The following STARD9 variants were observed in gnomAD, a reference collection of about 807,000 sequenced individuals.
STARD9 encodes the protein stAR-related lipid transfer protein 9.
STARD9 carries 346 observed loss-of-function variants against 399.8 expected under a neutral mutation model. The observed-to-expected ratio is 0.87, with a 90% CI of 0.79 to 0.95. The LOEUF is 0.95. Ranked by LOEUF, STARD9 falls within the 40% of genes least tolerant of loss-of-function variation. The pLI is 0.00. For synonymous variants in STARD9, 2,203 were observed against 2,143.5 expected, an observed-to-expected ratio of 1.03 and a Z score of -0.77; for missense variants, 5,832 against 5,667.5, an observed-to-expected ratio of 1.03 and a Z score of -0.93.
chr15:42,662,699 A>G lies in STARD9; in HGVS notation c.771-95A>G, dbSNP rs2060014222. 1.2e-5 allele frequency: 9 copies of G among 763,952 alleles called. No individual in the cohort carries two copies. In the South Asian group the frequency reaches 1.2e-4, roughly 10 times the overall value. 47.3% of individuals were successfully genotyped at this position (763,952 alleles called of 1,614,324 possible). On this transcript the variant is annotated intron_variant, in intron 10 of 32. Transcript: ENST00000290607. ...ATTTATTATGTGAGTCCTTTACAGC[A>G]TGATATACAGAATAACGGATAGTAT... is the stretch of plus-strand genomic sequence containing the variant.
At chr15:42,604,718 A>C (rs1322602966) in intron 3 of STARD9, among the ~76,000 whole-genome samples, 1 of 133,410 alleles carries the variant, frequency 7.5e-6, no homozygotes, top group Non-Finnish European at 1.5e-5. Flanking sequence ...ATCTTAGTTC[A>C]CTGCAGCCTT....
chr15:42,634,970 C>A lies in STARD9; in HGVS notation c.349C>A (p.Pro117Thr). The change falls in exon 4 of 33, where the codon CCA (proline) becomes ACA (threonine). Residue 117 changes from proline to threonine, a missense_variant and splice_region_variant. Pro to Thr is a conservative substitution (Grantham distance 38). Around this residue, in one of 2 missense-constraint regions of STARD9, gnomAD observed 5,828 missense variants for 5,651.1 expected, o/e 1.03. Transcript: ENST00000290607. ...SGKTYTMLGT[P>T]ASVGLTPRIC... ...GAAGACATATACCATGCTGGGGACC[C>A]CAGTGAGTATTACAATGATATATAT... 6 of 1,514,298 alleles carry A rather than the reference C, an allele frequency of 4.0e-6. No homozygotes were observed. The allele number at this position is 1,514,298 out of a possible 1,614,324, so 93.8% of individuals were successfully genotyped here. A position where few individuals can be genotyped will look rare whatever the true frequency, so the allele number is the denominator to read the frequency against.
At chr15:42,605,224 T>C (rs767704974) in intron 3 of STARD9, among the ~76,000 whole-genome samples, 5 of 152,222 alleles carry the variant, frequency 3.3e-5, no homozygotes, top group Non-Finnish European at 7.3e-5. Context: ...ACTTGATGTA[T>C]GGTCATTATA....
At chr15:42,674,369 T>C (rs2060266029) in intron 16 of STARD9, 71 bp from the exon 17 acceptor site, 6 of 1,191,278 alleles carry the variant, frequency 5.0e-6, no homozygotes, top group South Asian at 1.3e-5. Context: ...AATATTCTAA[T>C]GTGGACTCTC....
At position 42,689,330 on chromosome 15, in the gene STARD9, C is replaced by T. The variant is rs759179583; in HGVS notation, c.7752C>T (p.Pro2584=). ...CTTACTGTGAAACTTTACTAGAACC[C>T]GAATGTTCTTCAAGGGTTGCTGGCA... is the stretch of plus-strand genomic sequence containing the variant. The part of the protein sequence containing the change: ...VLSYCETLLE[P]ECSSRVAGRP... Residue 2584 remains proline (P), a synonymous_variant, in exon 23 of 33, where the codon CCC becomes CCT. Coordinates refer to ENST00000290607, the MANE Select transcript of STARD9 (RefSeq NM_020759.3). The T allele has an allele frequency of 1.4e-5, 22 of 1,537,088 alleles. No homozygotes were observed. Among genetic ancestry groups the T allele is most frequent in the East Asian group, 9.8e-5 (4 of 40,926 alleles).
At chr15:42,712,081 T>TATATAAAATATAAAA (rs57090140) in intron 26 of STARD9, among the ~76,000 whole-genome samples, 1 of 39,130 alleles carries the variant, frequency 2.6e-5, no homozygotes, top group African/African-American at 3.2e-4. Flanking sequence ...TATATATATA[T>TATATAAAATATAAAA]TATATATATA....
intron 3 of STARD9, among the ~76,000 whole-genome samples, chr15:42,591,381 G>A (rs1044696805): frequency 7.9e-5 from 12 of 152,050 alleles, no homozygotes; most frequent in Non-Finnish European, 1.8e-4. Flanking sequence ...CGAGCTACTC[G>A]GGAGGCTGAA....
At chr15:42,610,588 G>A (rs2058828487) in intron 3 of STARD9, among the ~76,000 whole-genome samples, 7 of 151,962 alleles carry the variant, frequency 4.6e-5, no homozygotes, top group Admixed American at 3.3e-4. Context: ...CACTCTTGTC[G>A]CCCAGGCTGG....
intron 20 of STARD9, 47 bp from the exon 21 acceptor site, chr15:42,681,375 C>T (rs1390911356): frequency 1.3e-6 from 2 of 1,510,736 alleles, no homozygotes; most frequent in East Asian, 2.5e-5. Flanking sequence ...TTGTCCTGAG[C>T]TTGGTTTGCA....
At chr15:42,609,887 G>A (rs1353502459) in intron 3 of STARD9, among the ~76,000 whole-genome samples, 4 of 152,012 alleles carry the variant, frequency 2.6e-5, no homozygotes, top group Non-Finnish European at 5.9e-5. Context: ...GAGGTCAGGA[G>A]TTCCAGACCA....
At chr15:42,654,573 T>C (rs952136940) in intron 9 of STARD9, among the ~76,000 whole-genome samples, 2 of 152,110 alleles carry the variant, frequency 1.3e-5, no homozygotes, top group Non-Finnish European at 2.9e-5. Context: ...GGTAAATGAA[T>C]TCAGCGAAGT....
chr15:42,649,558 G>A (rs1056822039), intron 7 of STARD9, among the ~76,000 whole-genome samples: 4 of 150,624 alleles, frequency 2.7e-5, no homozygotes, highest in Admixed American at 6.6e-5. Flanking sequence ...ATTAAGCAGA[G>A]TTACTTTTTT....
rs1380230935 is a variant in STARD9, at chr15:42,691,641, C to A, written c.10063C>A (p.Pro3355Thr). ...PSPTDEDTQG[P>T]NRLWNPHLRG... ...CCCTACAGACGAAGATACACAGGGG[C>A]CTAACAGATTGTGGAACCCACATCT... Residue 3355 changes from proline (P) to threonine (T), a missense_variant, in exon 23 of 33, where the codon CCT (proline) becomes ACT (threonine). Pro to Thr is a conservative substitution (Grantham distance 38). Around this residue, in one of 2 missense-constraint regions of STARD9, gnomAD observed 5,828 missense variants for 5,651.1 expected, o/e 1.03. Transcript: ENST00000290607. 26 of 1,537,122 alleles carry A rather than the reference C, an allele frequency of 1.7e-5. No homozygotes were observed. The highest frequency in any genetic ancestry group is 2.3e-5 in the Non-Finnish European group (26 of 1,146,904).
intron 3 of STARD9, among the ~76,000 whole-genome samples, chr15:42,602,729 T>C (rs1162272898): frequency 6.6e-6 from 1 of 152,214 alleles, no homozygotes; most frequent in Non-Finnish European, 1.5e-5. Context: ...TACAAAGTCA[T>C]ACCTCTATGG....
chr15:42,626,446 CCTCCT>C (rs1365510418), intron 3 of STARD9, among the ~76,000 whole-genome samples: 1 of 151,394 alleles, frequency 6.6e-6, no homozygotes, highest in African/African-American at 2.4e-5. Context: ...TCCTTCTCCT[CCTCCT>C]CTTCCTTCTC....
intron 7 of STARD9, among the ~76,000 whole-genome samples, chr15:42,641,666 G>A (rs1458541891): frequency 2.6e-5 from 4 of 151,416 alleles, no homozygotes; most frequent in South Asian, 4.2e-4. Context: ...GTGCAATGGC[G>A]CGATCTCGGC....
At chr15:42,586,995 A>G (rs1004596304) in intron 3 of STARD9, among the ~76,000 whole-genome samples, 5 of 152,024 alleles carry the variant, frequency 3.3e-5, no homozygotes, top group Non-Finnish European at 5.9e-5. Context: ...AGCTGGGACT[A>G]CAGGTGTGTG....
chr15:42,675,627 G>A (rs2060293942), intron 18 of STARD9, 37 bp from the exon 19 acceptor site: 1 of 1,465,808 alleles, frequency 6.8e-7, no homozygotes, highest in Non-Finnish European at 9.2e-7. Context: ...CAAAACATGA[G>A]CTGTTGATTG....
Position 42,689,063 on chromosome 15 carries a change from A to C in STARD9, c.7485A>C (p.Glu2495Asp), listed in dbSNP as rs1308704918. Residue 2495 changes from glutamate (E) to aspartate (D), a missense_variant, in exon 23 of 33, where the codon GAA becomes GAC. By Grantham distance (45) the Glu-to-Asp change is conservative. Around this residue, in one of 2 missense-constraint regions of STARD9, gnomAD observed 5,828 missense variants for 5,651.1 expected, o/e 1.03. Coordinates refer to ENST00000290607, the MANE Select transcript of STARD9 (RefSeq NM_020759.3). ...AAAAGAGGGTCAGCTTCTCCTTGGA[A>C]GAGGATAGTGACCAAGCCAGCAAGC... The part of the protein sequence containing the change: ...QPEKRVSFSL[E>D]EDSDQASKPR... 6.5e-7 allele frequency: 1 copy of C among 1,537,282 alleles called. No homozygotes were observed. Among genetic ancestry groups the C allele is most frequent in the Non-Finnish European group, 8.7e-7 (1 of 1,146,924 alleles).
Sources: gnomAD v4.1 joint callset for allele counts (sites outside exome capture counted in the v4.1 genomes callset) on GRCh38, gnomAD v4.1.1 for gene constraint, gnomAD v4.1.1 regional missense constraint, MANE v1.5 for transcripts, NCBI Gene and HGNC (gene_info 2026-07-23, HGNC 2026-07-21) for gene names.